The following NAA15 variants were observed in gnomAD, a reference collection of about 807,000 sequenced individuals.
NAA15 encodes the protein N-alpha-acetyltransferase 15, NatA auxiliary subunit.
Under a neutral mutation model 114.0 loss-of-function variants are expected in NAA15, and 34 were observed. That is an observed-to-expected ratio of 0.30 (90% confidence interval 0.23 to 0.40). NAA15 has a LOEUF of 0.40. NAA15 is among the 10% of genes least tolerant of loss of function. The pLI is 1.00. For synonymous variants in NAA15, 340 were observed against 338.0 expected (o/e 1.01, Z -0.06); for missense variants, 658 against 1,004.5 (o/e 0.66, Z 4.66).
intron 1 of NAA15, among the ~76,000 whole-genome samples, chr4:139,328,464 T>C (rs1477365950): frequency 6.6e-6 from 1 of 152,222 alleles, no homozygotes; most frequent in Non-Finnish European, 1.5e-5. Context: ...TGCTGTGGCC[T>C]TCCAAAGTGC....
intron 1 of NAA15, among the ~76,000 whole-genome samples, chr4:139,302,735 C>T (rs1309677171): frequency 6.6e-6 from 1 of 152,180 alleles, no homozygotes; most frequent in Admixed American, 6.5e-5. Context: ...GACTTATTCC[C>T]TACGGTTCAA....
intron 1 of NAA15, among the ~76,000 whole-genome samples, chr4:139,308,865 C>T (rs1299398556): frequency 6.6e-6 from 1 of 152,082 alleles, no homozygotes; most frequent in East Asian, 2.0e-4. Context: ...ATCCACCCAC[C>T]TCAGCCTCTC....
At chr4:139,333,838 C>A (rs940987280) in intron 1 of NAA15, among the ~76,000 whole-genome samples, 1 of 151,980 alleles carries the variant, frequency 6.6e-6, no homozygotes, top group Non-Finnish European at 1.5e-5. Context: ...TGGATATGGT[C>A]GCTGTGAGCT....
chr4:139,333,355 AAG>A (rs1553994510), intron 1 of NAA15, among the ~76,000 whole-genome samples: 1 of 152,198 alleles, frequency 6.6e-6, no homozygotes, highest in Non-Finnish European at 1.5e-5. Flanking sequence ...ACTTTCAAAT[AAG>A]AGTGCATTGC....
intron 13 of NAA15, among the ~76,000 whole-genome samples, chr4:139,360,867 A>G (rs1045981175): frequency 6.6e-6 from 1 of 152,080 alleles, no homozygotes; most frequent in African/African-American, 2.4e-5. Context: ...TATCTTGGCT[A>G]TGTTTTTATT....
rs146980995 is a variant in NAA15 at position 139,367,544 on chromosome 4, A to G, written c.1754-2667A>G. Among the ~76,000 whole-genome samples the G allele has an allele frequency of 2.9e-4, 44 of 152,278 alleles. 2 individuals are homozygous for G. The highest frequency in any genetic ancestry group is 8.2e-4 in the African/African-American group (34 of 41,562). On this transcript the variant is annotated intron_variant, in intron 14 of 19. Transcript: ENST00000296543. ...GGAATCCACGTATACTTGAGCTTCT[A>G]TGGAGGGGAGAACACCCTTAAGTTC...
intron 11 of NAA15, 79 bp from the exon 12 acceptor site, chr4:139,359,664 A>G: frequency 1.4e-6 from 2 of 1,394,742 alleles, no homozygotes; most frequent in East Asian, 2.5e-5. Flanking sequence ...TTTTTAAATT[A>G]TTTATCAACA....
At chr4:139,315,071 T>G (rs114827939) in intron 1 of NAA15, among the ~76,000 whole-genome samples, 3,551 of 120,180 alleles carry the variant, frequency 0.03, 180 homozygotes, top group Admixed American at 0.042. Context: ...TTTAGTTTAG[T>G]TTAGTTTTTG....
chr4:139,371,967 G>A (rs1206295535), intron 15 of NAA15, among the ~76,000 whole-genome samples: 1 of 151,712 alleles, frequency 6.6e-6, no homozygotes, highest in African/African-American at 2.4e-5. Flanking sequence ...CCAGGCTGGA[G>A]TGCAGTGGCG....
chr4:139,340,215 A>G (rs939336040), intron 3 of NAA15, among the ~76,000 whole-genome samples: 2 of 152,036 alleles, frequency 1.3e-5, no homozygotes, highest in Non-Finnish European at 2.9e-5. Flanking sequence ...GCAGCTACTC[A>G]GGAGGCTGAG....
intron 1 of NAA15, chr4:139,302,194 A>C: frequency 4.1e-6 from 1 of 243,076 alleles, no homozygotes; most frequent in South Asian, 1.2e-4. Context: ...TGGTGTGGGA[A>C]CCCTGCTGGC....
rs577469795 is a variant in NAA15, at chr4:139,312,851, GA to G, written c.54+11029del. Among the ~76,000 whole-genome samples, 1,009 of 149,846 alleles carry G rather than the reference GA, an allele frequency of 6.7e-3. 16 individuals carry two copies. The highest frequency in any genetic ancestry group is 0.03 in the South Asian group (142 of 4,736). The stretch of plus-strand genomic sequence containing the variant: ...ACAGAATGAGACCTTGTCTGGGGGG[GA>G]AAAAAAAAGTAAAATAAAAATTGCA... On this transcript the variant is annotated intron_variant, in intron 1 of 19. Coordinates refer to ENST00000296543, the MANE Select transcript of NAA15 (RefSeq NM_057175.5).
chr4:139,333,925 A>G (rs745711050), intron 1 of NAA15, among the ~76,000 whole-genome samples: 1 of 152,060 alleles, frequency 6.6e-6, no homozygotes, highest in Non-Finnish European at 1.5e-5. Context: ...AAGAAATTCT[A>G]TACCATTTAT....
At chr4:139,342,784 C>A in intron 4 of NAA15, 42 bp from the exon 5 acceptor site, 1 of 1,589,248 alleles carries the variant, frequency 6.3e-7, no homozygotes, top group South Asian at 1.1e-5. Flanking sequence ...CTTGCTGTTA[C>A]TAAAAGCCTA....
At chr4:139,377,750 G>GT (rs1373526647) in intron 16 of NAA15, among the ~76,000 whole-genome samples, 1 of 152,124 alleles carries the variant, frequency 6.6e-6, no homozygotes, top group African/African-American at 2.4e-5. Flanking sequence ...ATAATTTACT[G>GT]TATTTTCTAC....
chr4:139,375,467 TC>T lies in NAA15; in HGVS notation c.1948-897del, dbSNP rs200757198. Reference sequence around the variant, plus strand: ...GCTTTTCTTTTCTTTTCTTTTCTTTTCTTTTTTTAAATGCAGTGAAACAATT... The same window carrying T: ...GCTTTTCTTTTCTTTTCTTTTCTTTTTTTTTTTAAATGCAGTGAAACAATT... On this transcript the variant is annotated intron_variant, in intron 15 of 19. Coordinates refer to ENST00000296543, the MANE Select transcript of NAA15 (RefSeq NM_057175.5). 7.7e-4 allele frequency among the ~76,000 whole-genome samples: 112 copies of T among 145,526 alleles called. 1 individual carries two copies. Among genetic ancestry groups the T allele is most frequent in the South Asian group, 3.8e-3 (18 of 4,738 alleles).
intron 1 of NAA15, among the ~76,000 whole-genome samples, chr4:139,327,162 C>G (rs1202497408): frequency 6.6e-6 from 1 of 152,122 alleles, no homozygotes; most frequent in Non-Finnish European, 1.5e-5. Context: ...GTCTTGAACT[C>G]CTGGGCTCAA....
chr4:139,381,484 A>G (rs1748753919), intron 17 of NAA15, among the ~76,000 whole-genome samples: 1 of 151,984 alleles, frequency 6.6e-6, no homozygotes, highest in Non-Finnish European at 1.5e-5. Context: ...TATGTTTTTT[A>G]TACTTATGTA....
intron 13 of NAA15, 43 bp downstream of exon 13, chr4:139,360,671 G>T (rs1014063337): frequency 1.9e-5 from 29 of 1,510,194 alleles, no homozygotes; most frequent in Non-Finnish European, 2.6e-5. Context: ...TTATTCTGTC[G>T]ATGGTTTTGG....
Sources: gnomAD v4.1 joint callset for allele counts (sites outside exome capture counted in the v4.1 genomes callset) on GRCh38, gnomAD v4.1.1 for gene constraint, MANE v1.5 for transcripts, NCBI Gene and HGNC (gene_info 2026-07-23, HGNC 2026-07-21) for gene names.